The following USP3 variants were observed in gnomAD, a reference collection of about 807,000 sequenced individuals.
USP3 encodes ubiquitin carboxyl-terminal hydrolase 3.
Under a neutral mutation model 72.3 loss-of-function variants are expected in USP3, and 20 were observed. That is an observed-to-expected ratio of 0.28 (90% CI 0.19 to 0.40). USP3 has a LOEUF of 0.40. Ranked by LOEUF, USP3 falls within the 10% of genes least tolerant of loss-of-function variation. The pLI is 1.00. For missense variants in USP3, 479 were observed against 633.9 expected (o/e 0.76, Z 2.62); for synonymous variants, 222 against 225.3 (o/e 0.99, Z 0.13).
At chr15:63,543,328 A>C (rs1189018216) in intron 3 of USP3, among the ~76,000 whole-genome samples, 3 of 152,230 alleles carry the variant, frequency 2.0e-5, no homozygotes, top group Non-Finnish European at 4.4e-5. Context: ...TTACTCAATA[A>C]GTAACATTTT....
rs1322269002 is a variant in USP3, at chr15:63,591,763, C to T, written c.*937C>T. Reference sequence around the variant, plus strand: ...TCTGGGATTTACTTGGATCATCACCCGCACTTCAGTTTATCACTGGGGGGT... The same window carrying T: ...TCTGGGATTTACTTGGATCATCACCTGCACTTCAGTTTATCACTGGGGGGT... On this transcript the variant is annotated 3_prime_UTR_variant, in exon 15 of 15. Coordinates refer to ENST00000380324, the MANE Select transcript of USP3 (RefSeq NM_006537.4). 2 of 152,206 alleles carry T rather than the reference C, an allele frequency of 1.3e-5. No homozygotes were observed. The highest frequency in any genetic ancestry group is 2.4e-5 in the African/African-American group (1 of 41,432). 9.4% of individuals were successfully genotyped at this position (152,206 alleles called of 1,614,324 possible).
chr15:63,519,995 G>A (rs1243894871), intron 1 of USP3, among the ~76,000 whole-genome samples: 1 of 151,970 alleles, frequency 6.6e-6, no homozygotes, highest in African/African-American at 2.4e-5. Flanking sequence ...TTACTTTCTC[G>A]CACAAGATGT....
intron 1 of USP3, among the ~76,000 whole-genome samples, chr15:63,527,383 T>C (rs2065998694): frequency 6.6e-6 from 1 of 152,200 alleles, no homozygotes; most frequent in African/African-American, 2.4e-5. Context: ...AAAAAGAGCC[T>C]TCTCTCCCAG....
chr15:63,568,959 CATTAAT>C (rs1378522741), intron 8 of USP3, among the ~76,000 whole-genome samples: 1 of 152,176 alleles, frequency 6.6e-6, no homozygotes, highest in Non-Finnish European at 1.5e-5. Flanking sequence ...TGGACACATA[CATTAAT>C]GTACACGAGG....
intron 1 of USP3, among the ~76,000 whole-genome samples, chr15:63,523,801 A>G (rs939655082): frequency 6.6e-6 from 1 of 152,236 alleles, no homozygotes; most frequent in Admixed American, 6.5e-5. Flanking sequence ...AAGCAGAATG[A>G]GTAATGTTCT....
At chr15:63,578,865 T>C (rs2066909496) in intron 11 of USP3, among the ~76,000 whole-genome samples, 3 of 152,198 alleles carry the variant, frequency 2.0e-5, no homozygotes, top group African/African-American at 7.2e-5. Context: ...AGATTGATTA[T>C]ATACCTAGAA....
chr15:63,584,912 A>T (rs2067030102), intron 11 of USP3, among the ~76,000 whole-genome samples: 1 of 149,516 alleles, frequency 6.7e-6, no homozygotes, highest in African/African-American at 2.4e-5. Flanking sequence ...AAGACCTTTG[A>T]TCTATTTAAA....
At chr15:63,584,455 T>TTTTGTC (rs1441948563) in intron 11 of USP3, among the ~76,000 whole-genome samples, 2 of 152,176 alleles carry the variant, frequency 1.3e-5, no homozygotes, top group Non-Finnish European at 2.9e-5. Context: ...CTGCTTTTGT[T>TTTTGTC]TTTGTCTTTT....
chr15:63,546,094 A>AG (rs2066323376), intron 3 of USP3, among the ~76,000 whole-genome samples: 1 of 151,510 alleles, frequency 6.6e-6, no homozygotes, highest in African/African-American at 2.4e-5. Context: ...CATATAATGT[A>AG]GGTAGTTCCT....
intron 6 of USP3, among the ~76,000 whole-genome samples, 165 bp from the exon 7 acceptor site, chr15:63,559,692 G>GA (rs1396835481): frequency 2.0e-5 from 3 of 152,212 alleles, no homozygotes; most frequent in Non-Finnish European, 4.4e-5. Flanking sequence ...TAGAGAGAAG[G>GA]AAAAATCATA....
At chr15:63,558,329 C>A in intron 6 of USP3, 141 bp downstream of exon 6, 2 of 901,494 alleles carry the variant, frequency 2.2e-6, no homozygotes, top group African/African-American at 1.7e-5. Flanking sequence ...GTTTCCTCAT[C>A]AGTAAAATTG....
intron 11 of USP3, among the ~76,000 whole-genome samples, chr15:63,581,345 TTGTGTGTGTGTGTGTGTGTGTGTGTGTG>T (rs59188081): frequency 0.013 from 1,733 of 130,172 alleles, 18 homozygotes; most frequent in Admixed American, 0.02. Flanking sequence ...GTGTTGGTTT[TTGTGTGTGTGTGTGTGTGTGTGTGTGTG>T]TGTGTGTGTG....
chr15:63,566,106 C>T (rs1415743027), intron 8 of USP3, among the ~76,000 whole-genome samples: 1 of 152,192 alleles, frequency 6.6e-6, no homozygotes, highest in Non-Finnish European at 1.5e-5. Flanking sequence ...TCTTTCTGTA[C>T]AACCTGATTT....
chr15:63,556,623 G>A, intron 4 of USP3, 44 bp from the exon 5 acceptor site: 1 of 1,472,506 alleles, frequency 6.8e-7, no homozygotes, highest in Admixed American at 2.0e-5. Flanking sequence ...GGTGTAGCAT[G>A]CATATATTAA....
chr15:63,574,013 T>G lies in USP3; in HGVS notation c.909-33T>G, dbSNP rs2066821250. ...AAATGTCAAAGAGATGGCTTCTTACTGAGATATTTTCCTGTGTGGTGATTT... is the reference window on the plus strand; with the variant it reads ...AAATGTCAAAGAGATGGCTTCTTACGGAGATATTTTCCTGTGTGGTGATTT... On this transcript the variant is annotated intron_variant, in intron 9 of 14. Transcript: ENST00000380324. This position sits in a 1 kb window ranked among gnomAD's most constrained non-coding sequence, Gnocchi z 4.6. The G allele has an allele frequency of 2.9e-4, 408 of 1,411,032 alleles. No homozygotes were observed. The highest frequency in any genetic ancestry group is 3.5e-4 in the Non-Finnish European group (368 of 1,037,730). The allele number at this position is 1,411,032 out of a possible 1,614,324, so 87.4% of individuals were successfully genotyped here. A position where few individuals can be genotyped will look rare whatever the true frequency, so the allele number is the denominator to read the frequency against.
At position 63,574,129 on chromosome 15, in the gene USP3, C is replaced by A; in HGVS notation, c.992C>A (p.Ser331Tyr). 1 of 1,592,306 alleles carries A rather than the reference C, an allele frequency of 6.3e-7. No individual in the cohort carries two copies. The highest frequency in any genetic ancestry group is 8.6e-7 in the Non-Finnish European group (1 of 1,168,442). Reference sequence around the variant, plus strand: ...AACTGCCTCATATGTGGGACAGAATCTAGAAAGTTTGATCCATTCCTAGGT... The same window carrying A: ...AACTGCCTCATATGTGGGACAGAATATAGAAAGTTTGATCCATTCCTAGGT... ...EVNCLICGTE[S>Y]RKFDPFLDLS... The change falls in exon 10 of 15, where the codon TCT (serine) becomes TAT (tyrosine). Residue 331 changes from serine (S) to tyrosine (Y), a missense_variant. Transcript: ENST00000380324. This position sits in a 1 kb window ranked among gnomAD's most constrained non-coding sequence, Gnocchi z 4.6.
In USP3 at chr15:63,559,897, G is replaced by A. The variant is rs746632369; in HGVS notation, c.574G>A (p.Ala192Thr). 1.7e-5 allele frequency: 28 copies of A among 1,613,648 alleles called. 1 individual carries two copies. Among genetic ancestry groups the A allele is most frequent in the South Asian group, 8.8e-5 (8 of 91,066 alleles). The stretch of plus-strand genomic sequence containing the variant: ...TTGCTGTTATTTCAAAGAACTGCCC[G>A]CCGTGGAGTTAAGGAATGGGAAAAC... ...QFCCYFKELP[A>T]VELRNGKTAG... Residue 192 changes from alanine (A) to threonine (T), a missense_variant, in exon 7 of 15, where the codon GCC (alanine) becomes ACC (threonine). By Grantham distance (58) the Ala-to-Thr change is moderately conservative (BLOSUM62 0). Coordinates refer to ENST00000380324, the MANE Select transcript of USP3 (RefSeq NM_006537.4).
At chr15:63,583,643 T>C (rs1354870057) in intron 11 of USP3, among the ~76,000 whole-genome samples, 1 of 152,214 alleles carries the variant, frequency 6.6e-6, no homozygotes. Flanking sequence ...AACTCATTAC[T>C]TTTCCTCTCT....
chr15:63,561,368 G>C (rs563352411), intron 7 of USP3, among the ~76,000 whole-genome samples: 1 of 152,258 alleles, frequency 6.6e-6, no homozygotes, highest in South Asian at 2.1e-4. Flanking sequence ...ATCATACTGG[G>C]TGAGTGAAAA....
Sources: gnomAD v4.1 joint callset for allele counts (sites outside exome capture counted in the v4.1 genomes callset) on GRCh38, gnomAD v4.1.1 for gene constraint, Gnocchi (gnomAD v3.1) non-coding constraint, MANE v1.5 for transcripts, NCBI Gene and HGNC (gene_info 2026-07-23, HGNC 2026-07-21) for gene names.